The following JAM2 variants were observed in gnomAD, a reference collection of about 807,000 sequenced individuals.
JAM2 encodes the protein junctional adhesion molecule 2.
A neutral mutation model predicts 42.0 loss-of-function variants in JAM2; 17 were observed. The observed-to-expected ratio is 0.40, with a 90% CI of 0.28 to 0.61. The LOEUF is 0.61. Ranked by LOEUF, JAM2 falls within the 20% of genes least tolerant of loss-of-function variation. JAM2 has a pLI of 0.37. For synonymous variants in JAM2, 118 were observed against 128.6 expected, an observed-to-expected ratio of 0.92 and a Z score of 0.56; for missense variants, 319 against 358.3, an observed-to-expected ratio of 0.89 and a Z score of 0.89.
chr21:25,681,927 A>G (rs1202811018), intron 1 of JAM2, among the ~76,000 whole-genome samples: 4 of 152,190 alleles, frequency 2.6e-5, no homozygotes, highest in Non-Finnish European at 4.4e-5. Flanking sequence ...GCTGGTAGTG[A>G]GCTGAGATTG....
chr21:25,706,692 T>C (rs892156750), intron 7 of JAM2, among the ~76,000 whole-genome samples: 5 of 152,208 alleles, frequency 3.3e-5, no homozygotes, highest in Admixed American at 2.6e-4. Flanking sequence ...GACAGAGATA[T>C]TCAATGTGAA....
chr21:25,648,205 T>C (rs1053652020), intron 1 of JAM2, among the ~76,000 whole-genome samples: 5 of 144,140 alleles, frequency 3.5e-5, no homozygotes, highest in Admixed American at 6.8e-5. Context: ...AGCAAGATTC[T>C]GTCTCAAAAA....
chr21:25,669,542 G>C (rs2033308271), intron 1 of JAM2, among the ~76,000 whole-genome samples: 1 of 152,200 alleles, frequency 6.6e-6, no homozygotes, highest in Non-Finnish European at 1.5e-5. Flanking sequence ...AGTGAGGGGA[G>C]AGGGATGAGA....
rs2829879 is a variant in JAM2, at chr21:25,714,978, T to C, written c.*306T>C. 49,064 of 225,474 alleles carry C rather than the reference T, an allele frequency of 0.22. 5,785 individuals are homozygous for C. Among genetic ancestry groups the C allele is most frequent in the East Asian group, 0.33 (3,599 of 10,944 alleles). 14.0% of individuals were successfully genotyped at this position (225,474 alleles called of 1,614,324 possible). On this transcript the variant is annotated 3_prime_UTR_variant, in exon 10 of 10. Coordinates refer to ENST00000480456, the MANE Select transcript of JAM2 (RefSeq NM_021219.4). ...TAACTTCTAGAGAACGTTACTAAAA[T>C]ATAACATACTGATTGTGAAGTCAAT...
intron 9 of JAM2, among the ~76,000 whole-genome samples, chr21:25,713,368 A>C (rs1367867463): frequency 1.3e-5 from 2 of 152,132 alleles, no homozygotes; most frequent in African/African-American, 4.8e-5. Flanking sequence ...TGTTACTCAG[A>C]TTTTGTAGCT....
chr21:25,679,212 A>G (rs1481759255), intron 1 of JAM2, among the ~76,000 whole-genome samples: 4 of 152,262 alleles, frequency 2.6e-5, no homozygotes, highest in Non-Finnish European at 5.9e-5. Context: ...ATATATAGAG[A>G]TGAATAAATC....
Position 25,698,800 on chromosome 21 carries a change from T to A in JAM2, c.518T>A (p.Ile173Asn). ...GAATACACATGGTTTAAGGATGGCA[T>A]CCGTTTGCTAGAAAATCCCAGACTT... ...APEYTWFKDG[I>N]RLLENPRLGS... Residue 173 changes from isoleucine (I) to asparagine (N), a missense_variant, in exon 5 of 10, where the codon ATC becomes AAC. Physicochemically the swap from Ile to Asn is moderately radical, Grantham distance 149. Transcript: ENST00000480456. 6.2e-7 allele frequency: 1 copy of A among 1,614,204 alleles called. No individual in the cohort carries two copies. The highest frequency in any genetic ancestry group is 8.5e-7 in the Non-Finnish European group (1 of 1,180,040).
chr21:25,711,437 C>T, intron 8 of JAM2: 3 of 456,044 alleles, frequency 6.6e-6, no homozygotes, highest in South Asian at 4.6e-5. Flanking sequence ...GAGGCTATGG[C>T]AGCTGGGAGT....
At chr21:25,693,696 G>A (rs1256459593) in intron 3 of JAM2, 60 bp from the exon 4 acceptor site, 3 of 1,333,008 alleles carry the variant, frequency 2.3e-6, no homozygotes, top group Admixed American at 1.8e-5. Context: ...ATTAGAGGAA[G>A]GTATTACACA....
intron 1 of JAM2, among the ~76,000 whole-genome samples, chr21:25,642,627 G>A (rs2032478249): frequency 6.6e-6 from 1 of 152,128 alleles, no homozygotes; most frequent in Admixed American, 6.6e-5. Flanking sequence ...AAACGATGAT[G>A]TCAGTATCCC....
rs567220228 is a variant in JAM2, at chr21:25,693,608, G to A, written c.242-148G>A. 4.3e-5 allele frequency: 28 copies of A among 658,732 alleles called. No individual in the cohort carries two copies. In the South Asian group the frequency reaches 4.5e-4, roughly 11 times the overall value. The allele number at this position is 658,732 out of a possible 1,614,324, so 40.8% of individuals were successfully genotyped here. ...TCCAAAAGAAAAATTTTAAATAACA[G>A]CATCTATATACAACTTTTAGGCTTT... On this transcript the variant is annotated intron_variant, in intron 3 of 9. Transcript: ENST00000480456.
At chr21:25,693,290 C>A (rs1353207429) in intron 3 of JAM2, among the ~76,000 whole-genome samples, 1 of 149,536 alleles carries the variant, frequency 6.7e-6, no homozygotes, top group Non-Finnish European at 1.5e-5. Context: ...CTGAGTTTCT[C>A]TCTGTCGCCC....
intron 1 of JAM2, among the ~76,000 whole-genome samples, chr21:25,683,539 G>A (rs1049930733): frequency 2.0e-5 from 3 of 151,876 alleles, no homozygotes; most frequent in East Asian, 3.9e-4. Context: ...TTTATTTGTG[G>A]GGCAATACCG....
At chr21:25,660,782 ATTTTTTTTTTTTT>A (rs869192568) in intron 1 of JAM2, among the ~76,000 whole-genome samples, 1 of 41,316 alleles carries the variant, frequency 2.4e-5, no homozygotes, top group African/African-American at 1.9e-4. Context: ...ATATATATAT[ATTTTTTTTTTTTT>A]TTTTTTTTTT....
Position 25,702,194 on chromosome 21 carries a change from G to A in JAM2, c.622G>A (p.Asp208Asn). Residue 208 changes from aspartate to asparagine, a missense_variant, in exon 6 of 10, where the codon GAC (aspartate) becomes AAC (asparagine). Physicochemically the swap from Asp to Asn is conservative, Grantham distance 23. Coordinates refer to ENST00000480456, the MANE Select transcript of JAM2 (RefSeq NM_021219.4). ...GCAATTTAATACTGTTTCCAAACTG[G>A]ACACTGGAGAATATTCCTGTGAAGC... ...TLQFNTVSKL[D>N]TGEYSCEARN... 6.3e-7 allele frequency: 1 copy of A among 1,586,936 alleles called. No individual in the cohort carries two copies. Among genetic ancestry groups the A allele is most frequent in the South Asian group, 1.1e-5 (1 of 88,208 alleles).
At chr21:25,662,320 G>C (rs1449439942) in intron 1 of JAM2, among the ~76,000 whole-genome samples, 1 of 151,800 alleles carries the variant, frequency 6.6e-6, no homozygotes, top group Admixed American at 6.6e-5. Context: ...GCTAGTTTTT[G>C]TTTTTGTTGT....
At chr21:25,675,347 T>C (rs2033458350) in intron 1 of JAM2, among the ~76,000 whole-genome samples, 1 of 151,938 alleles carries the variant, frequency 6.6e-6, no homozygotes, top group African/African-American at 2.4e-5. Context: ...AGTACAAAAA[T>C]TCACAGGACA....
At chr21:25,646,252 C>G (rs1327459051) in intron 1 of JAM2, among the ~76,000 whole-genome samples, 1 of 152,152 alleles carries the variant, frequency 6.6e-6, no homozygotes, top group Admixed American at 6.5e-5. Flanking sequence ...TTAATTAAAT[C>G]TGATCAGGAA....
chr21:25,712,203 T>C, intron 8 of JAM2, 137 bp from the exon 9 acceptor site: 1 of 689,196 alleles, frequency 1.5e-6, no homozygotes, highest in East Asian at 2.7e-5. Flanking sequence ...GTAAGAATTG[T>C]CTTTTTTTCT....
Sources: allele counts gnomAD v4.1 joint callset (sites outside exome capture counted in the v4.1 genomes callset), GRCh38; gene constraint gnomAD v4.1.1; transcripts MANE v1.5; gene names NCBI Gene and HGNC (gene_info 2026-07-23, HGNC 2026-07-21).